Variants in LPP observed in about 807,000 individuals in gnomAD.
LPP encodes the protein LIM domain containing preferred translocation partner in lipoma.
In LPP, 38 loss-of-function variants were observed where a neutral mutation model predicts 60.4. That is an observed-to-expected ratio of 0.63 (90% CI 0.49 to 0.83). The LOEUF is 0.83. LPP is among the 40% of genes least tolerant of loss of function. The pLI is 0.00. For missense variants in LPP, 902 were observed against 783.6 expected (o/e 1.15, Z -1.80); for synonymous variants, 328 against 290.8 (o/e 1.13, Z -1.30).
intron 9 of LPP, among the ~76,000 whole-genome samples, chr3:188,765,416 T>A (rs1733711166): frequency 6.6e-6 from 1 of 151,708 alleles, no homozygotes; most frequent in African/African-American, 2.4e-5. Context: ...AAGAGAAAAA[T>A]TTGTCAAGCA....
At chr3:188,552,162 A>T (rs1828317709) in intron 6 of LPP, among the ~76,000 whole-genome samples, 2 of 152,204 alleles carry the variant, frequency 1.3e-5, no homozygotes, top group Admixed American at 6.5e-5. Context: ...TCCCAGAATT[A>T]TTACATCTTA....
chr3:188,487,891 C>T (rs769647572), intron 5 of LPP, among the ~76,000 whole-genome samples: 24 of 152,080 alleles, frequency 1.6e-4, no homozygotes, highest in Admixed American at 7.9e-4. Flanking sequence ...GCCAAAAGAA[C>T]GTCTACTAAG....
At chr3:188,323,304 T>C (rs1388435219) in intron 2 of LPP, among the ~76,000 whole-genome samples, 4 of 152,294 alleles carry the variant, frequency 2.6e-5, no homozygotes, top group African/African-American at 9.6e-5. Flanking sequence ...TGTGGGTAAC[T>C]AGAAGGAAGG....
At chr3:188,670,495 A>T (rs1383751533) in intron 7 of LPP, among the ~76,000 whole-genome samples, 1 of 148,506 alleles carries the variant, frequency 6.7e-6, no homozygotes, top group African/African-American at 2.5e-5. Flanking sequence ...TAGTTTTTCC[A>T]CCCTTTTAGT....
intron 9 of LPP, among the ~76,000 whole-genome samples, chr3:188,822,892 T>A (rs1364853127): frequency 6.6e-6 from 1 of 152,064 alleles, no homozygotes; most frequent in Non-Finnish European, 1.5e-5. Flanking sequence ...CCAAAGTAAA[T>A]CCCCCTTTAT....
intron 6 of LPP, among the ~76,000 whole-genome samples, chr3:188,608,476 T>A (rs992834430): frequency 8.6e-5 from 13 of 151,360 alleles, no homozygotes; most frequent in Non-Finnish European, 1.6e-4. Context: ...AAAAATCAAT[T>A]GACTGTATAC....
chr3:188,441,039 T>TGA (rs1793685449), intron 4 of LPP, among the ~76,000 whole-genome samples: 1 of 151,706 alleles, frequency 6.6e-6, no homozygotes, highest in Admixed American at 6.6e-5. Flanking sequence ...TGTGTGTGTG[T>TGA]GTGTGTGCGT....
intron 7 of LPP, among the ~76,000 whole-genome samples, chr3:188,703,368 G>A (rs867952162): frequency 6.6e-6 from 1 of 152,280 alleles, no homozygotes; most frequent in South Asian, 2.1e-4. Context: ...TCGAGAGAGA[G>A]GTATTAGAGT....
In LPP at chr3:188,386,301, C is replaced by G. The variant is rs376591484; in HGVS notation, c.-9-19811C>G. 5.9e-5 allele frequency among the ~76,000 whole-genome samples: 9 copies of G among 151,780 alleles called. No homozygotes were observed. The South Asian group carries it at 1.9e-3, about 32-fold the overall frequency. On this transcript the variant is annotated intron_variant, in intron 3 of 11. Transcript: ENST00000617246. The stretch of plus-strand genomic sequence containing the variant: ...ACACACACACACACACACACACACA[C>G]ACACACATAATCTCTCTGCCTTATT...
At chr3:188,263,699 C>T (rs1460699044) in intron 2 of LPP, among the ~76,000 whole-genome samples, 2 of 152,286 alleles carry the variant, frequency 1.3e-5, no homozygotes, top group Admixed American at 6.5e-5. Flanking sequence ...GCTCATAATC[C>T]GTCACGTAGA....
At chr3:188,604,988 A>G (rs1401366469) in intron 6 of LPP, among the ~76,000 whole-genome samples, 1 of 152,154 alleles carries the variant, frequency 6.6e-6, no homozygotes, top group Non-Finnish European at 1.5e-5. Flanking sequence ...TGTAGGTATC[A>G]TTGTTGAGAT....
intron 5 of LPP, among the ~76,000 whole-genome samples, chr3:188,495,498 T>C (rs1372959494): frequency 6.6e-6 from 1 of 152,076 alleles, no homozygotes; most frequent in Non-Finnish European, 1.5e-5. Flanking sequence ...AATAACAAAA[T>C]CATTTCGGTG....
At chr3:188,261,479 T>A (rs1410199361) in intron 2 of LPP, among the ~76,000 whole-genome samples, 2 of 152,152 alleles carry the variant, frequency 1.3e-5, no homozygotes, top group Non-Finnish European at 2.9e-5. Context: ...CTTGAAAAAA[T>A]TTTAAGTCAA....
intron 4 of LPP, among the ~76,000 whole-genome samples, chr3:188,425,083 G>A (rs887719969): frequency 6.6e-6 from 1 of 152,134 alleles, no homozygotes; most frequent in Non-Finnish European, 1.5e-5. Context: ...CTGTGGGTTT[G>A]TCATAAATAG....
intron 6 of LPP, among the ~76,000 whole-genome samples, chr3:188,564,514 C>G (rs1296066328): frequency 1.3e-5 from 2 of 151,826 alleles, no homozygotes; most frequent in Admixed American, 1.3e-4. Context: ...CATAATATAC[C>G]AGGATGAGCC....
At chr3:188,657,258 G>GTGTGTATATATATATATATA (rs1553782707) in intron 7 of LPP, among the ~76,000 whole-genome samples, 3 of 89,840 alleles carry the variant, frequency 3.3e-5, no homozygotes, top group East Asian at 5.1e-4. Context: ...CTGTCAAGGT[G>GTGTGTATATATATATATATA]TATATATATA....
At chr3:188,854,212 C>T (rs1248017026) in intron 9 of LPP, among the ~76,000 whole-genome samples, 1 of 152,240 alleles carries the variant, frequency 6.6e-6, no homozygotes, top group African/African-American at 2.4e-5. Context: ...AAACCCTATA[C>T]TCCCTGGCTG....
intron 5 of LPP, among the ~76,000 whole-genome samples, chr3:188,516,057 A>G (rs1352977587): frequency 6.6e-6 from 1 of 152,216 alleles, no homozygotes; most frequent in South Asian, 2.1e-4. Flanking sequence ...CATGAGAGTT[A>G]CCCTATGAAC....
At chr3:188,225,157 CATT>C (rs1717274037) in intron 1 of LPP, among the ~76,000 whole-genome samples, 1 of 152,108 alleles carries the variant, frequency 6.6e-6, no homozygotes. Context: ...CTTTCACCTC[CATT>C]ATTAAGATGA....
Sources: gnomAD v4.1 joint callset for allele counts (sites outside exome capture counted in the v4.1 genomes callset) on GRCh38, gnomAD v4.1.1 for gene constraint, MANE v1.5 for transcripts, NCBI Gene and HGNC (gene_info 2026-07-23, HGNC 2026-07-21) for gene names.